TRPM5: variants seen among roughly 807,000 people sequenced by gnomAD.
TRPM5 encodes the protein MLSN1 and TRP-related.
Under a neutral mutation model 124.9 loss-of-function variants are expected in TRPM5, and 121 were observed. The observed-to-expected ratio is 0.97, with a 90% CI of 0.84 to 1.13. The LOEUF (loss-of-function observed/expected upper bound fraction) is 1.13, where lower values mean the gene tolerates loss of function less well. Among genes scored for constraint, TRPM5 ranks in the 50% most tolerant of loss-of-function variants. The pLI, the probability that TRPM5 is intolerant of heterozygous loss-of-function variation, is 0.00. For synonymous variants in TRPM5, 781 were observed against 700.5 expected, an observed-to-expected ratio of 1.11 and a Z score of -1.81; for missense variants, 1,643 against 1,589.1, an observed-to-expected ratio of 1.03 and a Z score of -0.58.
At chr11:2,429,352 TATG>T in the TRPM5 span, among the ~76,000 whole-genome samples, 79 of 143,376 alleles carry the variant, frequency 5.5e-4, 1 homozygote, top group Non-Finnish European at 8.7e-4. The surrounding 1 kb of genome is among the most constrained non-coding windows in gnomAD (Gnocchi z 8.4). Context: ...TGACAATGAG[TATG>T]ATGATGGTGG....
intron 15 of TRPM5, 44 bp from the exon 21 acceptor site, chr11:2,412,297 C>A (rs201926782): frequency 2.1e-6 from 3 of 1,400,382 alleles, no homozygotes; most frequent in Non-Finnish European, 3.0e-6. Flanking sequence ...TCCAGCCGCC[C>A]TCGCTGGGGA....
chr11:2,419,545 G>A (rs1845735936), intron 4 of TRPM5, among the ~76,000 whole-genome samples: 1 of 151,702 alleles, frequency 6.6e-6, no homozygotes, highest in African/African-American at 2.4e-5. Flanking sequence ...GAACCTGGGA[G>A]GTGGAGGCTG....
rs778497517 is a variant in TRPM5 at position 2,415,165 on chromosome 11, G to A, written c.1435C>T (p.Arg479Ter). The A allele has an allele frequency of 6.3e-6, 10 of 1,581,238 alleles. No homozygotes were observed. The highest frequency in any genetic ancestry group is 5.3e-5 in the Admixed American group (3 of 56,368). ...GGCCGGCCGTCCTGGTAGAAGCCTC[G>A]GCAGGCGTCCTGCAGGAAGTCCTTG... Residue 479 changes from arginine to a stop codon, truncating the protein, a stop_gained, in exon 9 of 24, where the codon CGA becomes TGA. Coordinates refer to ENST00000155858, the Ensembl canonical transcript of TRPM5. LOFTEE classifies it high-confidence loss of function.
chr11:2,407,950 C>A (rs1435728867), intron 18 of TRPM5, 38 bp from the exon 24 acceptor site: 1 of 1,605,304 alleles, frequency 6.2e-7, no homozygotes, highest in Non-Finnish European at 8.5e-7. Flanking sequence ...AGACCGGGGG[C>A]AGCCACAAGG....
exon 9 of TRPM5, chr11:2,415,165 G>C (rs778497517): frequency 4.4e-6 from 7 of 1,581,240 alleles, no homozygotes; most frequent in Non-Finnish European, 6.0e-6. Flanking sequence ...TAGAAGCCTC[G>C]GCAGGCGTCC....
rs768240267 is a variant in TRPM5 at position 2,414,055 on chromosome 11, A to G, written c.1890+6T>C. ...GCAGCTCTCCTCGAGGACAGCTGGC[A>G]CTCACCTGAACGCCGTCGTGGGCAA... On this transcript the variant is annotated splice_donor_region_variant and intron_variant, in intron 12 of 23. Coordinates refer to ENST00000155858, the Ensembl canonical transcript of TRPM5. The G allele has an allele frequency of 8.3e-7, 1 of 1,207,350 alleles. No individual in the cohort carries two copies. The highest frequency in any genetic ancestry group is 1.7e-5 in the African/African-American group (1 of 57,954). 74.8% of individuals were successfully genotyped at this position (1,207,350 alleles called of 1,614,324 possible).
rs768247906 is a variant in TRPM5 at position 2,422,173 on chromosome 11, C to A, written c.266G>T (p.Arg89Leu). Residue 89 changes from arginine (R) to leucine (L), a missense_variant, in exon 2 of 24, where the codon CGC (arginine) becomes CTC (leucine). Coordinates refer to ENST00000155858, the Ensembl canonical transcript of TRPM5. ...CTGAGCCGCCTTCACCAGCCCCTTG[C>A]GCAGCACATCCCGCAGCCAGGACTT... The A allele has an allele frequency of 2.5e-6, 4 of 1,611,404 alleles. No homozygotes were observed. The Admixed American group carries it at 6.7e-5, about 27-fold the overall frequency.
chr11:2,419,872 C>G (rs990236588), intron 4 of TRPM5, among the ~76,000 whole-genome samples: 1 of 152,222 alleles, frequency 6.6e-6, no homozygotes, highest in Non-Finnish European at 1.5e-5. Context: ...GGAAGTAGCC[C>G]TCTTTCAACT....
intron 12 of TRPM5, 45 bp downstream of exon 17, chr11:2,414,016 C>CCCCCCCCCCCCCCCCCCCCCCA: frequency 7.9e-7 from 1 of 1,259,554 alleles, no homozygotes; most frequent in Non-Finnish European, 1.1e-6. Flanking sequence ...CTCGCCCGCC[C>CCCCCCCCCCCCCCCCCCCCCCA]ACCCCACCCC....
exon 20 of TRPM5, chr11:2,407,241 T>C (rs756055517): frequency 6.2e-7 from 1 of 1,612,222 alleles, no homozygotes; most frequent in Non-Finnish European, 8.5e-7. Flanking sequence ...CACAATCAGG[T>C]TGTAGCGCTG....
At chr11:2,404,958 G>A in exon 24 of TRPM5, 2 of 1,612,400 alleles carry the variant, frequency 1.2e-6, no homozygotes, top group Non-Finnish European at 1.7e-6. Context: ...AGGGAGGCTG[G>A]CCAGCCCCGG....
the TRPM5 span, among the ~76,000 whole-genome samples, chr11:2,428,637 G>A: frequency 1.3e-5 from 2 of 151,982 alleles, no homozygotes; most frequent in African/African-American, 2.4e-5. The surrounding 1 kb of genome is among the most constrained non-coding windows in gnomAD (Gnocchi z 4.0). Flanking sequence ...TGATGAGGGT[G>A]GTGATGATAG....
chr11:2,413,099 G>T (rs1164493680), intron 14 of TRPM5, 35 bp downstream of exon 19: 1 of 1,549,528 alleles, frequency 6.5e-7, no homozygotes, highest in East Asian at 2.4e-5. Context: ...CCACCCGCCA[G>T]TCCCCTCCAC....
chr11:2,415,970 G>A, exon 8 of TRPM5: 1 of 1,582,340 alleles, frequency 6.3e-7, no homozygotes, highest in Non-Finnish European at 8.6e-7. Flanking sequence ...CCAGGCCACG[G>A]CCAGCTTGAG....
the TRPM5 span, among the ~76,000 whole-genome samples, chr11:2,432,559 G>T: frequency 1.3e-5 from 2 of 152,248 alleles, no homozygotes; most frequent in Admixed American, 1.3e-4. Flanking sequence ...CCTGACCGGG[G>T]TCCTCGGGCC....
At chr11:2,421,164 G>A (rs1845767490) in exon 3 of TRPM5, 3 of 1,541,604 alleles carry the variant, frequency 1.9e-6, no homozygotes, top group Non-Finnish European at 2.6e-6. Flanking sequence ...GCCTGGCCAG[G>A]CCCACGCGGA....
the TRPM5 span, among the ~76,000 whole-genome samples, chr11:2,436,735 C>G: frequency 1.3e-3 from 198 of 152,354 alleles, no homozygotes; most frequent in Non-Finnish European, 2.0e-3. Context: ...CTCCAAGAAT[C>G]GATGCTGTGT....
chr11:2,414,960 G>A (rs1287619666), exon 10 of TRPM5: 2 of 1,607,880 alleles, frequency 1.2e-6, no homozygotes, highest in Non-Finnish European at 8.5e-7. Flanking sequence ...ACGGCCCACA[G>A]GAACAGGTCC....
exon 9 of TRPM5, chr11:2,415,246 G>C: frequency 6.4e-7 from 1 of 1,569,904 alleles, no homozygotes; most frequent in Admixed American, 1.8e-5. Context: ...GGTGGCTCCC[G>C]GGCCTGCTGG....
Sources: allele counts gnomAD v4.1 joint callset (sites outside exome capture counted in the v4.1 genomes callset), GRCh38; gene constraint gnomAD v4.1.1; non-coding constraint Gnocchi (gnomAD v3.1); transcripts MANE v1.5; gene names NCBI Gene and HGNC (gene_info 2026-07-23, HGNC 2026-07-21).